The following MAGI3 variants were observed in gnomAD, a reference collection of about 807,000 sequenced individuals.
MAGI3 encodes the protein membrane-associated guanylate kinase, WW and PDZ domain-containing protein 3.
Under a neutral mutation model 121.8 loss-of-function variants are expected in MAGI3, and 43 were observed. The ratio of observed to expected loss-of-function variants is 0.35; its 90% CI spans 0.28 to 0.46. The LOEUF (loss-of-function observed/expected upper bound fraction) is 0.46. Ranked by LOEUF, MAGI3 falls within the 20% of genes least tolerant of loss-of-function variation. The pLI is 1.00. For synonymous variants in MAGI3, 553 were observed against 639.3 expected (o/e 0.86, Z 2.04); for missense variants, 1,547 against 1,797.3 (o/e 0.86, Z 2.52).
chr1:113,470,967 G>A (rs1178905399), intron 1 of MAGI3, among the ~76,000 whole-genome samples: 1 of 152,116 alleles, frequency 6.6e-6, no homozygotes, highest in Non-Finnish European at 1.5e-5. Context: ...TGTGCTTTGA[G>A]CATCATATCC....
chr1:113,526,351 G>A (rs1391384773), intron 1 of MAGI3, among the ~76,000 whole-genome samples: 1 of 152,166 alleles, frequency 6.6e-6, no homozygotes, highest in Non-Finnish European at 1.5e-5. Context: ...CAAAGATATA[G>A]TATCTGTGTA....
intron 9 of MAGI3, among the ~76,000 whole-genome samples, chr1:113,639,327 G>A (rs1039242464): frequency 3.3e-5 from 5 of 152,202 alleles, no homozygotes; most frequent in South Asian, 2.1e-4. Flanking sequence ...CTTCTGCGTC[G>A]CTCACGCTGG....
intron 6 of MAGI3, among the ~76,000 whole-genome samples, chr1:113,597,046 A>G (rs1389822058): frequency 1.3e-5 from 2 of 152,340 alleles, no homozygotes; most frequent in South Asian, 2.1e-4. Flanking sequence ...CACTATTCAT[A>G]ATAGCCAAAA....
intron 9 of MAGI3, 32 bp downstream of exon 9, chr1:113,623,026 A>AGT (rs1229470423): frequency 7.1e-7 from 1 of 1,418,046 alleles, no homozygotes; most frequent in Non-Finnish European, 9.3e-7. Context: ...TTTGAAGAGT[A>AGT]GTGATACTAT....
chr1:113,648,157 G>A (rs981208166), intron 12 of MAGI3, among the ~76,000 whole-genome samples: 4 of 151,980 alleles, frequency 2.6e-5, no homozygotes, highest in East Asian at 1.9e-4. Flanking sequence ...TCCTGACCTC[G>A]TGATCCGCCC....
intron 1 of MAGI3, among the ~76,000 whole-genome samples, chr1:113,465,202 T>C (rs1427819423): frequency 6.6e-6 from 1 of 152,172 alleles, no homozygotes; most frequent in African/African-American, 2.4e-5. Context: ...AGTGGTATAG[T>C]TTCATTCTTC....
chr1:113,541,677 G>A (rs1659293447), intron 1 of MAGI3, among the ~76,000 whole-genome samples: 2 of 152,186 alleles, frequency 1.3e-5, no homozygotes, highest in African/African-American at 2.4e-5. Flanking sequence ...GAAAGCATTT[G>A]AACACAGATG....
intron 1 of MAGI3, among the ~76,000 whole-genome samples, chr1:113,411,186 A>G (rs1651957215): frequency 6.6e-6 from 1 of 152,146 alleles, no homozygotes; most frequent in South Asian, 2.1e-4. Flanking sequence ...GTAAAACATT[A>G]ATATATAATT....
chr1:113,551,217 C>T (rs953571277), intron 2 of MAGI3, among the ~76,000 whole-genome samples: 1 of 152,148 alleles, frequency 6.6e-6, no homozygotes, highest in African/African-American at 2.4e-5. Context: ...ATAGCTGTTA[C>T]TAGGATTTAA....
chr1:113,681,191 T>C lies in MAGI3; in HGVS notation c.3190-7T>C, dbSNP rs1378435730. On this transcript the variant is annotated splice_polypyrimidine_tract_variant and splice_region_variant and intron_variant, in intron 19 of 20. Coordinates refer to ENST00000307546, the MANE Select transcript of MAGI3 (RefSeq NM_001142782.2). ...TCATGTTGTTCCTGTGAATGTTCTCTGTCTAGGTTGGTGACCAGATTGTTG... is the reference window on the plus strand; with the variant it reads ...TCATGTTGTTCCTGTGAATGTTCTCCGTCTAGGTTGGTGACCAGATTGTTG... 5.0e-6 allele frequency: 8 copies of C among 1,610,252 alleles called. No individual in the cohort carries two copies. The highest frequency in any genetic ancestry group is 1.7e-6 in the Non-Finnish European group (2 of 1,179,060).
chr1:113,625,362 C>T (rs979748070), intron 9 of MAGI3, among the ~76,000 whole-genome samples: 2 of 152,124 alleles, frequency 1.3e-5, no homozygotes. Flanking sequence ...TTTGTGTCCT[C>T]TTCAGTTTCT....
chr1:113,550,039 C>T (rs896672653), intron 2 of MAGI3, among the ~76,000 whole-genome samples: 1 of 150,922 alleles, frequency 6.6e-6, no homozygotes, highest in African/African-American at 2.4e-5. Context: ...TCGCTTGAAC[C>T]CAGGAAGAGG....
intron 1 of MAGI3, among the ~76,000 whole-genome samples, chr1:113,522,037 C>T (rs933557244): frequency 6.6e-6 from 1 of 152,168 alleles, no homozygotes; most frequent in African/African-American, 2.4e-5. Context: ...GGGTGTGGAG[C>T]TTTACTAACT....
At chr1:113,509,053 G>A (rs553179451) in intron 1 of MAGI3, among the ~76,000 whole-genome samples, 1 of 152,094 alleles carries the variant, frequency 6.6e-6, no homozygotes, top group Non-Finnish European at 1.5e-5. Context: ...GAGGATCTTT[G>A]TGGAGAATTT....
chr1:113,636,022 T>A (rs372406154), intron 9 of MAGI3, among the ~76,000 whole-genome samples: 1 of 152,180 alleles, frequency 6.6e-6, no homozygotes, highest in Non-Finnish European at 1.5e-5. Flanking sequence ...GTAGAGGTGT[T>A]TGTAGTATTC....
rs753371517 is a variant in MAGI3 at position 113,642,513 on chromosome 1, G to A, written c.1963G>A (p.Gly655Arg). 1 of 1,606,630 alleles carries A rather than the reference G, an allele frequency of 6.2e-7. No individual in the cohort carries two copies. The highest frequency in any genetic ancestry group is 8.5e-7 in the Non-Finnish European group (1 of 1,175,342). ...TGATGTACCATTGCTTATCTTAAGA[G>A]GAGGTAAGTAAAAGCACAACATAGA... The part of the protein sequence containing the change: ...GADVPLLILR[G>R]GPPSPTKTAK... The change falls in exon 10 of 21, where the codon GGA (glycine) becomes AGA (arginine). Residue 655 changes from glycine (G) to arginine (R), a missense_variant. Coordinates refer to ENST00000307546, the MANE Select transcript of MAGI3 (RefSeq NM_001142782.2).
chr1:113,571,686 C>T (rs931379187), intron 2 of MAGI3, among the ~76,000 whole-genome samples: 1 of 152,124 alleles, frequency 6.6e-6, no homozygotes, highest in East Asian at 1.9e-4. Flanking sequence ...TGATTTGGCT[C>T]TCTGTTTGCC....
At chr1:113,631,656 T>G (rs1254905474) in intron 9 of MAGI3, among the ~76,000 whole-genome samples, 3 of 152,150 alleles carry the variant, frequency 2.0e-5, no homozygotes, top group Non-Finnish European at 4.4e-5. Flanking sequence ...ATAACCTTAT[T>G]TGAAAAAAAG....
intron 1 of MAGI3, among the ~76,000 whole-genome samples, chr1:113,429,301 C>T (rs1653181397): frequency 6.6e-6 from 1 of 152,166 alleles, no homozygotes; most frequent in South Asian, 2.1e-4. Context: ...GGAGGGTGCC[C>T]AGGCTCTTGG....
Sources: gnomAD v4.1 joint callset for allele counts (sites outside exome capture counted in the v4.1 genomes callset) on GRCh38, gnomAD v4.1.1 for gene constraint, MANE v1.5 for transcripts, NCBI Gene and HGNC (gene_info 2026-07-23, HGNC 2026-07-21) for gene names.